The following BRWD1 variants were observed in gnomAD, a reference collection of about 807,000 sequenced individuals.
BRWD1 encodes bromodomain and WD repeat-containing protein 1.
A neutral mutation model predicts 251.2 loss-of-function variants in BRWD1; 82 were observed. That is an observed-to-expected ratio of 0.33 (90% CI 0.27 to 0.39). The LOEUF (loss-of-function observed/expected upper bound fraction) is 0.39. Ranked by LOEUF, BRWD1 falls within the 10% of genes least tolerant of loss-of-function variation. The probability of loss-of-function intolerance (pLI) is 1.00; values close to 1 mark genes in which losing one functional copy is unlikely to be tolerated. For synonymous variants in BRWD1, 918 were observed against 902.8 expected (o/e 1.02, Z -0.30); for missense variants, 2,233 against 2,711.6 (o/e 0.82, Z 3.92).
chr21:39,319,814 T>G (rs1004049854), intron 1 of BRWD1, among the ~76,000 whole-genome samples: 3 of 152,198 alleles, frequency 2.0e-5, no homozygotes, highest in Non-Finnish European at 4.4e-5. Context: ...CTCCTTAAAG[T>G]TCTCCCTGAC....
rs1263051622 is a variant in BRWD1, at chr21:39,250,783, G to C, written c.2349+13C>G. On this transcript the variant is annotated intron_variant, in intron 20 of 40. Coordinates refer to ENST00000342449, the MANE Select transcript of BRWD1 (RefSeq NM_033656.4). ...TAATTTCTAATTTGCTAAGAAAACA[G>C]AATTTAGGTTACCTTATGTGAGAGC... 2 of 1,497,486 alleles carry C rather than the reference G, an allele frequency of 1.3e-6. No individual in the cohort carries two copies. The highest frequency in any genetic ancestry group is 1.8e-6 in the Non-Finnish European group (2 of 1,103,234). The allele number at this position is 1,497,486 out of a possible 1,614,324, so 92.8% of individuals were successfully genotyped here. A position where few individuals can be genotyped will look rare whatever the true frequency, so the allele number is the denominator to read the frequency against.
intron 36 of BRWD1, among the ~76,000 whole-genome samples, chr21:39,208,589 G>A (rs536729011): frequency 7.2e-5 from 11 of 152,278 alleles, no homozygotes; most frequent in Admixed American, 2.6e-4. Flanking sequence ...GTCTTGCTCT[G>A]TTGCCCAGGC....
At chr21:39,239,323 C>T (rs1209515110) in intron 21 of BRWD1, among the ~76,000 whole-genome samples, 1 of 151,986 alleles carries the variant, frequency 6.6e-6, no homozygotes, top group Non-Finnish European at 1.5e-5. Flanking sequence ...TTTTGTTTTA[C>T]ATTTACATTA....
intron 17 of BRWD1, among the ~76,000 whole-genome samples, chr21:39,261,766 AAAG>A (rs1162728218): frequency 1.3e-5 from 2 of 151,812 alleles, no homozygotes; most frequent in East Asian, 3.8e-4. Flanking sequence ...CATCAATCCC[AAAG>A]AAGAAAAAAA....
chr21:39,281,879 A>AAT (rs1555874373), intron 8 of BRWD1, among the ~76,000 whole-genome samples: 3 of 83,176 alleles, frequency 3.6e-5, no homozygotes, highest in African/African-American at 9.4e-5. Flanking sequence ...TACCAAAAAA[A>AAT]ATATATATAT....
intron 4 of BRWD1, among the ~76,000 whole-genome samples, chr21:39,307,154 A>G (rs1298760277): frequency 6.6e-6 from 1 of 152,128 alleles, no homozygotes; most frequent in Non-Finnish European, 1.5e-5. Flanking sequence ...GAGCCTGGTT[A>G]TAATTGAAAA....
chr21:39,253,080 A>G (rs2034448194), intron 19 of BRWD1, among the ~76,000 whole-genome samples: 1 of 152,122 alleles, frequency 6.6e-6, no homozygotes, highest in Non-Finnish European at 1.5e-5. Flanking sequence ...ACCTGAGGAC[A>G]GGAGTTTGAG....
intron 11 of BRWD1, 124 bp from the exon 12 acceptor site, chr21:39,276,337 T>A: frequency 1.5e-6 from 1 of 671,162 alleles, no homozygotes; most frequent in Non-Finnish European, 2.4e-6. Flanking sequence ...TTGTGTTGCT[T>A]AGCCCTGTCA....
At position 39,215,782 on chromosome 21, in the gene BRWD1, C is replaced by G. The variant is rs188956060; in HGVS notation, c.3660-420G>C. ...GACAGGGCAGGAGGACAGCATGAGCCCAGGGGTTCAAGATCAGCCTGGACA... is the reference window on the plus strand; with the variant it reads ...GACAGGGCAGGAGGACAGCATGAGCGCAGGGGTTCAAGATCAGCCTGGACA... On this transcript the variant is annotated intron_variant, in intron 31 of 40. Transcript: ENST00000342449. Among the ~76,000 whole-genome samples, 1,216 of 152,092 alleles carry G rather than the reference C, an allele frequency of 8.0e-3. 9 individuals carry two copies. Among genetic ancestry groups the G allele is most frequent in the Admixed American group, 0.014 (211 of 15,266 alleles).
chr21:39,246,721 C>T (rs918432556), intron 21 of BRWD1, among the ~76,000 whole-genome samples: 9 of 152,278 alleles, frequency 5.9e-5, no homozygotes, highest in African/African-American at 2.2e-4. Context: ...TACACAAATG[C>T]TCAACATACT....
At chr21:39,278,576 G>T in intron 10 of BRWD1, 167 bp downstream of exon 10, 1 of 537,076 alleles carries the variant, frequency 1.9e-6, no homozygotes, top group Non-Finnish European at 3.3e-6. Context: ...CAGACTGGAG[G>T]ACTGGAAGAA....
intron 4 of BRWD1, among the ~76,000 whole-genome samples, chr21:39,300,431 T>C (rs2036078452): frequency 6.6e-6 from 1 of 152,134 alleles, no homozygotes; most frequent in African/African-American, 2.4e-5. Flanking sequence ...GCAACTCCAG[T>C]GTAAAAAATA....
Position 39,191,808 on chromosome 21 carries a change from T to A in BRWD1, c.*4451A>T, listed in dbSNP as rs1407908599. ...AGGTCAATTGGACTGCCTCTTCTCT[T>A]TGGCAGTCTAAAATCTCATTTAAGG... On this transcript the variant is annotated 3_prime_UTR_variant, in exon 41 of 41. Transcript: ENST00000342449. The A allele has an allele frequency of 1.0e-6, 1 of 985,006 alleles. No homozygotes were observed. Among genetic ancestry groups the A allele is most frequent in the Non-Finnish European group, 1.2e-6 (1 of 829,586 alleles). 61.0% of individuals were successfully genotyped at this position (985,006 alleles called of 1,614,324 possible).
At chr21:39,253,955 C>T (rs2034480443) in intron 19 of BRWD1, among the ~76,000 whole-genome samples, 1 of 152,172 alleles carries the variant, frequency 6.6e-6, no homozygotes, top group South Asian at 2.1e-4. Context: ...AGCCAAAAGG[C>T]CAAGAAGCAA....
intron 13 of BRWD1, among the ~76,000 whole-genome samples, chr21:39,272,609 T>C (rs2035153332): frequency 7.4e-6 from 1 of 135,584 alleles, no homozygotes; most frequent in South Asian, 2.3e-4. Flanking sequence ...ATAACATTGC[T>C]TTTTTTTTTT....
At chr21:39,293,464 G>GCC (rs2035872461) in intron 8 of BRWD1, among the ~76,000 whole-genome samples, 1 of 150,890 alleles carries the variant, frequency 6.6e-6, no homozygotes, top group African/African-American at 2.4e-5. Context: ...CTGCACTCCA[G>GCC]CCTGGGCAAC....
chr21:39,279,642 AAAAAAAAAAAAAAAG>A (rs1303808794), intron 9 of BRWD1, among the ~76,000 whole-genome samples: 4 of 123,532 alleles, frequency 3.2e-5, no homozygotes, highest in Admixed American at 1.5e-4. Context: ...CCATCTCAAA[AAAAAAAAAAAAAAAG>A]AAAAAAAAAA....
intron 4 of BRWD1, among the ~76,000 whole-genome samples, chr21:39,305,335 T>A (rs2036252383): frequency 6.6e-6 from 1 of 152,124 alleles, no homozygotes. Context: ...ATACATATGA[T>A]CTGAAAATAA....
intron 13 of BRWD1, among the ~76,000 whole-genome samples, chr21:39,273,205 A>C (rs1416200000): frequency 1.3e-5 from 2 of 152,230 alleles, no homozygotes; most frequent in Non-Finnish European, 2.9e-5. Flanking sequence ...TTAATAAAAC[A>C]ATAATAGGTG....
Sources: allele counts gnomAD v4.1 joint callset (sites outside exome capture counted in the v4.1 genomes callset), GRCh38; gene constraint gnomAD v4.1.1; transcripts MANE v1.5; gene names NCBI Gene and HGNC (gene_info 2026-07-23, HGNC 2026-07-21).